Variants in NELFA observed in about 807,000 individuals in gnomAD.
NELFA encodes the protein negative elongation factor complex member A.
In NELFA, 35 loss-of-function variants were observed where a neutral mutation model predicts 51.8. The observed-to-expected ratio is 0.68, with a 90% CI of 0.52 to 0.90. NELFA has a LOEUF of 0.90. Ranked by LOEUF, NELFA falls within the 40% of genes least tolerant of loss-of-function variation. The pLI, the probability that NELFA is intolerant of heterozygous loss-of-function variation, is 0.00. For missense variants in NELFA, 658 were observed against 746.4 expected (o/e 0.88, Z 1.38); for synonymous variants, 417 against 338.4 (o/e 1.23, Z -2.55).
chr4:2,008,709 G>A (rs370496903), intron 1 of NELFA, 41 bp downstream of exon 1: 16 of 1,570,648 alleles, frequency 1.0e-5, no homozygotes, highest in Admixed American at 1.9e-5. Context: ...AGGTGGGAAG[G>A]TTGGGAATCT....
intron 1 of NELFA, among the ~76,000 whole-genome samples, chr4:2,006,327 A>C (rs1320840525): frequency 2.0e-5 from 3 of 152,246 alleles, no homozygotes; most frequent in Admixed American, 2.0e-4. Flanking sequence ...TGAAGATTCA[A>C]GTGCGAAAGG....
chr4:1,992,215 G>T (rs962112196), intron 1 of NELFA: 5 of 229,748 alleles, frequency 2.2e-5, no homozygotes, highest in South Asian at 1.3e-4. Context: ...GGCAGCACCC[G>T]TGACAGCTGA....
Position 1,991,739 on chromosome 4 carries a change from G to A in NELFA, c.211-24C>T, listed in dbSNP as rs370340812. On this transcript the variant is annotated intron_variant, in intron 1 of 10. Coordinates refer to ENST00000382882, the MANE Select transcript of NELFA (RefSeq NM_005663.5). ...ATCTGCAAAATAGGATGCTGCCGGCGCCACCATGCCCCTGCCCACTTCCAA... is the reference window on the plus strand; with the variant it reads ...ATCTGCAAAATAGGATGCTGCCGGCACCACCATGCCCCTGCCCACTTCCAA... 5.7e-6 allele frequency: 9 copies of A among 1,565,452 alleles called. No homozygotes were observed. In the South Asian group the frequency reaches 6.1e-5, roughly 11 times the overall value.
At position 1,989,791 on chromosome 4, in the gene NELFA, C is replaced by T; in HGVS notation, c.461G>A (p.Gly154Glu). The T allele has an allele frequency of 6.2e-7, 1 of 1,614,192 alleles. No individual in the cohort carries two copies. The highest frequency in any genetic ancestry group is 8.5e-7 in the Non-Finnish European group (1 of 1,180,042). ...ATGCTTCACCGGGGGAGTGAGGGGT[C>T]CCGCGAGGGTCGTCAGGGCGTTTTT... ...LNKNALTTLA[G>E]PLTPPVKHFQ... The change falls in exon 3 of 11, where the codon GGA (glycine) becomes GAA (glutamate). Residue 154 changes from glycine to glutamate, a missense_variant. By Grantham distance (98) the Gly-to-Glu change is moderately conservative. Around this residue, in one of 3 missense-constraint regions of NELFA, gnomAD observed 371 missense variants for 448.3 expected, o/e 0.83. Coordinates refer to ENST00000382882, the MANE Select transcript of NELFA (RefSeq NM_005663.5). This position sits in a 1 kb window ranked among gnomAD's most constrained non-coding sequence, Gnocchi z 4.8.
intron 7 of NELFA, among the ~76,000 whole-genome samples, chr4:1,985,390 G>A (rs913695158): frequency 6.6e-6 from 1 of 152,154 alleles, no homozygotes; most frequent in Non-Finnish European, 1.5e-5. Context: ...CCCGCAGGCA[G>A]GGCCTGGTCT....
At chr4:2,002,738 T>C (rs1037656868) in intron 1 of NELFA, among the ~76,000 whole-genome samples, 3 of 152,192 alleles carry the variant, frequency 2.0e-5, no homozygotes, top group African/African-American at 4.8e-5. Flanking sequence ...TAACTCAAGA[T>C]GCATTAAAAA....
chr4:2,003,177 G>C (rs1418263180), intron 1 of NELFA, among the ~76,000 whole-genome samples: 3 of 152,268 alleles, frequency 2.0e-5, no homozygotes, highest in East Asian at 3.9e-4. Context: ...ACCACAATGA[G>C]ATACCATCTC....
intron 1 of NELFA, among the ~76,000 whole-genome samples, chr4:1,997,033 A>G (rs187511921): frequency 3.9e-5 from 6 of 152,292 alleles, no homozygotes; most frequent in Admixed American, 3.9e-4. Context: ...AGATCACTTG[A>G]GCTTAGGAGT....
chr4:1,984,736 G>T, intron 8 of NELFA, 72 bp downstream of exon 8: 1 of 1,104,626 alleles, frequency 9.1e-7, no homozygotes, highest in Non-Finnish European at 1.3e-6. Context: ...CGCAGCCCTG[G>T]CAGCGCCCGT....
At position 1,983,299 on chromosome 4, in the gene NELFA, C is replaced by T. The variant is rs376526560; in HGVS notation, c.*20G>A. 13 of 1,600,888 alleles carry T rather than the reference C, an allele frequency of 8.1e-6. No homozygotes were observed. The African/African-American group carries it at 1.6e-4, about 20-fold the overall frequency. On this transcript the variant is annotated 3_prime_UTR_variant, in exon 11 of 11. Transcript: ENST00000382882. Reference sequence around the variant, plus strand: ...CCCGTGGACCCCCACAAGTGACGGCCAGCTGTGAGGCAGGTGGTTCTAGGA... The same window carrying T: ...CCCGTGGACCCCCACAAGTGACGGCTAGCTGTGAGGCAGGTGGTTCTAGGA...
At position 1,984,074 on chromosome 4, in the gene NELFA, G is replaced by A; in HGVS notation, c.1076C>T (p.Pro359Leu). Residue 359 changes from proline (P) to leucine (L), a missense_variant, in exon 9 of 11, where the codon CCC (proline) becomes CTC (leucine). This residue lies in a region of NELFA where 200 missense variants were observed against 167.9 expected (regional missense o/e 1.19). Transcript: ENST00000382882. The part of the protein sequence containing the change: ...SREASRPPEE[P>L]SAPSPTLPAQ... ...TGGCAACGTGGGGCTCGGGGCGCTG[G>A]GCTCCTCTGGTGGGCGGCTGGCTTC... 2.5e-6 allele frequency: 4 copies of A among 1,593,836 alleles called. No individual in the cohort carries two copies. Among genetic ancestry groups the A allele is most frequent in the Non-Finnish European group, 3.4e-6 (4 of 1,175,172 alleles).
At chr4:1,984,242 G>T in intron 8 of NELFA, 129 bp from the exon 9 acceptor site, 1 of 1,196,562 alleles carries the variant, frequency 8.4e-7, no homozygotes, top group Non-Finnish European at 1.1e-6. Context: ...ACTCCCTGTG[G>T]CCCCCAGCCA....
At chr4:1,983,755 C>A in intron 9 of NELFA, 60 bp from the exon 10 acceptor site, 3 of 1,600,002 alleles carry the variant, frequency 1.9e-6, no homozygotes, top group Non-Finnish European at 2.6e-6. Context: ...CCTGCATCCC[C>A]CTGCAGGCAC....
At chr4:1,998,739 T>A (rs909051772) in intron 1 of NELFA, among the ~76,000 whole-genome samples, 3 of 152,046 alleles carry the variant, frequency 2.0e-5, no homozygotes, top group African/African-American at 7.2e-5. Context: ...AAGGATATTA[T>A]CCAGAACTTC....
rs552781618 is a variant in NELFA, at chr4:1,987,973, G to C, written c.579C>G (p.Ala193=). 1.9e-6 allele frequency: 3 copies of C among 1,611,296 alleles called. No homozygotes were observed. Among genetic ancestry groups the C allele is most frequent in the Non-Finnish European group, 2.5e-6 (3 of 1,179,732 alleles). Residue 193 remains alanine, a synonymous_variant, in exon 4 of 11, where the codon GCC becomes GCG. Coordinates refer to ENST00000382882, the MANE Select transcript of NELFA (RefSeq NM_005663.5). The part of the protein sequence containing the change: ...TETAQQLKRS[A]GVPFHAKGRG... The stretch of plus-strand genomic sequence containing the variant: ...GGCCCTTGGCGTGGAAGGGCACCCC[G>C]GCGCTCCGCTTCAACTGCTGGGCGG...
chr4:1,985,344 C>T (rs1382727126), intron 7 of NELFA, among the ~76,000 whole-genome samples: 1 of 152,222 alleles, frequency 6.6e-6, no homozygotes, highest in Non-Finnish European at 1.5e-5. Flanking sequence ...CCACTGCAGC[C>T]TCTGTGCACC....
chr4:1,984,342 C>T (rs1464359413), intron 8 of NELFA, among the ~76,000 whole-genome samples: 1 of 152,150 alleles, frequency 6.6e-6, no homozygotes, highest in Non-Finnish European at 1.5e-5. Context: ...TGGACTCTGG[C>T]CAGCTGCTGG....
Position 1,983,449 on chromosome 4 carries a change from G to A in NELFA, c.1457C>T (p.Thr486Met), listed in dbSNP as rs891653344. ...GCCGTCCGCCTTGGGCAGGTCCTCCGTGTGCTCGCTCAGCTTGATCTGGAT... is the reference window on the plus strand; with the variant it reads ...GCCGTCCGCCTTGGGCAGGTCCTCCATGTGCTCGCTCAGCTTGATCTGGAT... ...DVIQIKLSEH[T>M]EDLPKADGQG... Residue 486 changes from threonine to methionine, a missense_variant, in exon 11 of 11, where the codon ACG (threonine) becomes ATG (methionine). Around this residue, in one of 3 missense-constraint regions of NELFA, gnomAD observed 87 missense variants for 130.2 expected, o/e 0.67. Coordinates refer to ENST00000382882, the MANE Select transcript of NELFA (RefSeq NM_005663.5). The A allele has an allele frequency of 5.0e-6, 8 of 1,614,070 alleles. No individual in the cohort carries two copies. Among genetic ancestry groups the A allele is most frequent in the Non-Finnish European group, 6.8e-6 (8 of 1,180,040 alleles).
At chr4:2,005,823 T>C (rs1728696015) in intron 1 of NELFA, among the ~76,000 whole-genome samples, 1 of 152,112 alleles carries the variant, frequency 6.6e-6, no homozygotes, top group Non-Finnish European at 1.5e-5. Context: ...TAGGTGGTAA[T>C]ATATGAGATG....
Sources: gnomAD v4.1 joint callset for allele counts (sites outside exome capture counted in the v4.1 genomes callset) on GRCh38, gnomAD v4.1.1 for gene constraint, gnomAD v4.1.1 regional missense constraint, Gnocchi (gnomAD v3.1) non-coding constraint, MANE v1.5 for transcripts, NCBI Gene and HGNC (gene_info 2026-07-23, HGNC 2026-07-21) for gene names.